Variants in DLG2 observed in about 807,000 individuals in gnomAD.
DLG2 encodes the protein disks large homolog 2.
In DLG2, 45 loss-of-function variants were observed where a neutral mutation model predicts 132.5. The observed-to-expected ratio is 0.34, with a 90% CI of 0.27 to 0.44. DLG2 has a LOEUF of 0.44. Among genes scored for constraint, DLG2 ranks in the 20% least tolerant of loss-of-function variants. The pLI is 1.00. For synonymous variants in DLG2, 424 were observed against 419.6 expected (o/e 1.01, Z -0.13); for missense variants, 1,045 against 1,196.9 (o/e 0.87, Z 1.87).
intron 6 of DLG2, among the ~76,000 whole-genome samples, chr11:84,740,720 C>G (rs1451666606): frequency 6.6e-6 from 1 of 152,172 alleles, no homozygotes; most frequent in Non-Finnish European, 1.5e-5. Context: ...AGCAGGGAAA[C>G]CAACCCCTGC....
At chr11:84,978,603 GC>G (rs1211863913) in intron 6 of DLG2, among the ~76,000 whole-genome samples, 2 of 152,106 alleles carry the variant, frequency 1.3e-5, no homozygotes, top group Admixed American at 1.3e-4. Flanking sequence ...GGGAAAACTG[GC>G]TAGCCATATG....
chr11:83,832,047 T>C (rs919611592), intron 17 of DLG2, among the ~76,000 whole-genome samples: 1 of 152,196 alleles, frequency 6.6e-6, no homozygotes, highest in Non-Finnish European at 1.5e-5. Context: ...TCTGACTCTC[T>C]ATAGTTAGGT....
intron 3 of DLG2, among the ~76,000 whole-genome samples, chr11:85,345,830 T>G (rs145054966): frequency 1.3e-5 from 2 of 152,130 alleles, no homozygotes; most frequent in African/African-American, 4.8e-5. Context: ...TGTTGCCTTC[T>G]CCAGAGCAAA....
intron 6 of DLG2, among the ~76,000 whole-genome samples, chr11:85,110,886 C>A (rs2072619193): frequency 6.6e-6 from 1 of 152,070 alleles, no homozygotes; most frequent in African/African-American, 2.4e-5. Flanking sequence ...AATTTTTTGT[C>A]TCCATCATAC....
intron 7 of DLG2, among the ~76,000 whole-genome samples, chr11:84,328,486 G>C (rs562069607): frequency 2.6e-5 from 4 of 152,092 alleles, no homozygotes; most frequent in Non-Finnish European, 4.4e-5. Flanking sequence ...CACCACTGAG[G>C]CCTCCTTGAA....
At chr11:84,186,154 G>A (rs1025085153) in intron 8 of DLG2, among the ~76,000 whole-genome samples, 1 of 152,130 alleles carries the variant, frequency 6.6e-6, no homozygotes. Context: ...GGGTCACTTT[G>A]TGTTTATCCT....
chr11:84,460,541 G>T (rs2099077666), intron 7 of DLG2, among the ~76,000 whole-genome samples: 1 of 150,034 alleles, frequency 6.7e-6, no homozygotes, highest in South Asian at 2.1e-4. Flanking sequence ...CCTGTTCTTA[G>T]CTTTTCTATT....
At chr11:85,619,211 T>C (rs1263465376) in intron 2 of DLG2, among the ~76,000 whole-genome samples, 2 of 152,174 alleles carry the variant, frequency 1.3e-5, no homozygotes, top group African/African-American at 2.4e-5. Context: ...AAAAAAGATA[T>C]GGGATACCCA....
At chr11:84,501,059 T>C (rs2099203055) in intron 7 of DLG2, among the ~76,000 whole-genome samples, 1 of 152,170 alleles carries the variant, frequency 6.6e-6, no homozygotes, top group Non-Finnish European at 1.5e-5. Context: ...TCAGTTTCCT[T>C]TGTTGTTTGA....
At chr11:84,389,728 A>G (rs2154439884) in intron 7 of DLG2, among the ~76,000 whole-genome samples, 1 of 152,264 alleles carries the variant, frequency 6.6e-6, no homozygotes, top group Non-Finnish European at 1.5e-5. Flanking sequence ...GTCTCTTTTG[A>G]ACTGGTAAGC....
chr11:83,670,846 T>C (rs2076715416), intron 18 of DLG2, among the ~76,000 whole-genome samples: 1 of 152,186 alleles, frequency 6.6e-6, no homozygotes, highest in Non-Finnish European at 1.5e-5. Context: ...AATAATAGTA[T>C]ACTACTATGA....
intron 9 of DLG2, among the ~76,000 whole-genome samples, chr11:84,121,662 C>T (rs553892190): frequency 1.7e-4 from 25 of 146,808 alleles, no homozygotes; most frequent in African/African-American, 5.3e-4. Flanking sequence ...CCCGGGTTCA[C>T]GCCATTCTCC....
intron 6 of DLG2, 25 bp from the exon 7 acceptor site, chr11:84,534,756 A>AAGTAT (rs1565221341): frequency 1.2e-6 from 2 of 1,610,652 alleles, no homozygotes; most frequent in Admixed American, 3.3e-5. Context: ...AAGAAAGGAC[A>AAGTAT]AGTATGTATA....
At chr11:83,771,297 T>A (rs1171827159) in intron 18 of DLG2, among the ~76,000 whole-genome samples, 1 of 152,264 alleles carries the variant, frequency 6.6e-6, no homozygotes, top group Non-Finnish European at 1.5e-5. Flanking sequence ...CTACTCCTTC[T>A]TTTGCATACT....
intron 7 of DLG2, among the ~76,000 whole-genome samples, chr11:84,260,909 G>A (rs1255488753): frequency 2.0e-5 from 3 of 152,060 alleles, no homozygotes; most frequent in Non-Finnish European, 4.4e-5. Context: ...ACAAAAAATG[G>A]AGTCAATAGC....
chr11:84,217,397 C>T (rs1329164680), intron 8 of DLG2, among the ~76,000 whole-genome samples: 1 of 152,108 alleles, frequency 6.6e-6, no homozygotes, highest in Non-Finnish European at 1.5e-5. Context: ...AGGGGAGTTT[C>T]CCTACATAAA....
intron 7 of DLG2, among the ~76,000 whole-genome samples, chr11:84,527,798 T>C (rs1198778605): frequency 1.3e-5 from 2 of 152,080 alleles, no homozygotes; most frequent in African/African-American, 2.4e-5. Flanking sequence ...TCAGATATGT[T>C]AATATGTGAT....
At chr11:84,768,191 T>C (rs1035872178) in intron 6 of DLG2, among the ~76,000 whole-genome samples, 3 of 152,178 alleles carry the variant, frequency 2.0e-5, no homozygotes, top group African/African-American at 4.8e-5. Context: ...TACACACAAA[T>C]AGACGATTCT....
intron 7 of DLG2, among the ~76,000 whole-genome samples, chr11:84,343,360 C>T (rs149081512): frequency 2.0e-5 from 3 of 152,262 alleles, no homozygotes; most frequent in South Asian, 4.1e-4. Context: ...ATATATCCCC[C>T]CAACCTAAGG....
Sources: gnomAD v4.1 joint callset for allele counts (sites outside exome capture counted in the v4.1 genomes callset) on GRCh38, gnomAD v4.1.1 for gene constraint, MANE v1.5 for transcripts, NCBI Gene and HGNC (gene_info 2026-07-23, HGNC 2026-07-21) for gene names.